Variants in CTNNA3 observed in about 807,000 individuals in gnomAD.
CTNNA3 encodes the protein catenin alpha-3.
In CTNNA3, 76 loss-of-function variants were observed where a neutral mutation model predicts 95.7. The ratio of observed to expected loss-of-function variants is 0.79; its 90% confidence interval spans 0.66 to 0.96. CTNNA3 has a LOEUF of 0.96. Among genes scored for constraint, CTNNA3 ranks in the 40% least tolerant of loss-of-function variants. The probability of loss-of-function intolerance (pLI) is 0.00; values close to 1 mark genes in which losing one functional copy is unlikely to be tolerated. For missense variants in CTNNA3, 1,191 were observed against 1,089.8 expected (o/e 1.09, Z -1.31); for synonymous variants, 431 against 374.4 (o/e 1.15, Z -1.74).
At chr10:67,705,173 G>A (rs111569684) in intron 1 of CTNNA3, among the ~76,000 whole-genome samples, 18,289 of 151,712 alleles carry the variant, frequency 0.12, 1,132 homozygotes, top group Non-Finnish European at 0.16. Flanking sequence ...CTTTTACACT[G>A]TTGGTGGGAC....
At position 67,259,607 on chromosome 10, in the gene CTNNA3, A is replaced by G. The variant is rs1866512024; in HGVS notation, c.580-39737T>C. 2.0e-5 allele frequency among the ~76,000 whole-genome samples: 3 copies of G among 152,168 alleles called. No homozygotes were observed. In the South Asian group the frequency reaches 6.2e-4, roughly 32 times the overall value. Reference sequence around the variant, plus strand: ...ATAATATGCATGTGAGAGCACTTACACTGTAAAATATACGTCCCTGAGGTT... The same window carrying G: ...ATAATATGCATGTGAGAGCACTTACGCTGTAAAATATACGTCCCTGAGGTT... On this transcript the variant is annotated intron_variant, in intron 5 of 17. Transcript: ENST00000433211.
intron 10 of CTNNA3, among the ~76,000 whole-genome samples, chr10:66,619,991 G>T (rs982519515): frequency 2.0e-5 from 3 of 152,000 alleles, no homozygotes; most frequent in Non-Finnish European, 4.4e-5. Context: ...AATATATGAT[G>T]GTGGCCCAAA....
Position 67,711,568 on chromosome 10 carries a change from A to AATTTATTTATTTATTTATTT in CTNNA3, c.-2+51846_-2+51865dup, listed in dbSNP as rs572590258. Among the ~76,000 whole-genome samples the AATTTATTTATTTATTTATTT allele has an allele frequency of 2.3e-3, 305 of 134,064 alleles. 10 individuals carry two copies. The East Asian group carries it at 0.052, about 23-fold the overall frequency. The allele number at this position is 134,064 out of a possible 152,430, so 88.0% of individuals were successfully genotyped here. ...ATGATTTAGGGTATCTGGCAGAAGA[A>AATTTATTTATTTATTTATTT]ATTTATTTATTTATTTATTTATTTT... On this transcript the variant is annotated intron_variant, in intron 1 of 17. Transcript: ENST00000684154.
At chr10:67,446,079 T>A (rs922654432) in intron 5 of CTNNA3, among the ~76,000 whole-genome samples, 26 of 152,176 alleles carry the variant, frequency 1.7e-4, no homozygotes, top group Non-Finnish European at 7.3e-5. Context: ...AGATACAGTC[T>A]CTGCCCTCAA....
chr10:66,694,305 A>G (rs1847674286), intron 9 of CTNNA3, among the ~76,000 whole-genome samples: 1 of 152,108 alleles, frequency 6.6e-6, no homozygotes, highest in Non-Finnish European at 1.5e-5. Context: ...ACAGAAATAC[A>G]AACTACCATC....
chr10:67,558,677 G>A (rs1270654200), intron 3 of CTNNA3, among the ~76,000 whole-genome samples: 2 of 152,234 alleles, frequency 1.3e-5, no homozygotes, highest in Non-Finnish European at 2.9e-5. Context: ...AGCCAAAGCA[G>A]GGCAAGCATT....
intron 10 of CTNNA3, among the ~76,000 whole-genome samples, chr10:66,544,870 C>T (rs1249321646): frequency 1.3e-5 from 2 of 152,024 alleles, no homozygotes; most frequent in Non-Finnish European, 2.9e-5. Flanking sequence ...TTAAATGTGT[C>T]TAGGACCAAA....
chr10:66,959,776 C>A (rs1849017216), intron 7 of CTNNA3, among the ~76,000 whole-genome samples: 1 of 152,144 alleles, frequency 6.6e-6, no homozygotes, highest in Non-Finnish European at 1.5e-5. Context: ...TTAATTTTCT[C>A]TCTATCCGAC....
At chr10:66,534,097 C>G (rs1265268395) in intron 10 of CTNNA3, among the ~76,000 whole-genome samples, 1 of 152,170 alleles carries the variant, frequency 6.6e-6, no homozygotes, top group African/African-American at 2.4e-5. Context: ...ATCCTGTGCT[C>G]AACTCTAGTG....
intron 11 of CTNNA3, among the ~76,000 whole-genome samples, chr10:66,447,704 A>G (rs2093432843): frequency 6.6e-6 from 1 of 152,168 alleles, no homozygotes; most frequent in South Asian, 2.1e-4. Flanking sequence ...AACATGTTAG[A>G]CCTAAAACCA....
intron 1 of CTNNA3, among the ~76,000 whole-genome samples, chr10:67,754,152 G>A (rs543331256): frequency 9.6e-4 from 146 of 152,248 alleles, no homozygotes; most frequent in African/African-American, 3.3e-3. Context: ...GAACAAGATC[G>A]TGACCTTTGC....
rs1172538788 is a variant in CTNNA3 at position 66,495,933 on chromosome 10, C to G, written c.1531+24684G>C. Among the ~76,000 whole-genome samples, 3 of 152,124 alleles carry G rather than the reference C, an allele frequency of 2.0e-5. No homozygotes were observed. In the South Asian group the frequency reaches 6.2e-4, roughly 32 times the overall value. Reference sequence around the variant, plus strand: ...TTGGCCTCCCAAAGTGCTGGGATTACAGCTGTAAACCACCACTCCTGGCCT... The same window carrying G: ...TTGGCCTCCCAAAGTGCTGGGATTAGAGCTGTAAACCACCACTCCTGGCCT... On this transcript the variant is annotated intron_variant, in intron 11 of 17. Transcript: ENST00000433211.
At chr10:67,594,306 A>G (rs1404477305) in intron 3 of CTNNA3, among the ~76,000 whole-genome samples, 1 of 152,100 alleles carries the variant, frequency 6.6e-6, no homozygotes, top group African/African-American at 2.4e-5. Context: ...CGATTTTTTG[A>G]ACAGTTTCAG....
At chr10:67,023,163 T>C (rs551431578) in intron 7 of CTNNA3, among the ~76,000 whole-genome samples, 2 of 152,116 alleles carry the variant, frequency 1.3e-5, no homozygotes, top group South Asian at 4.1e-4. Context: ...TATGTGGAAA[T>C]ACAAAGAACC....
chr10:67,024,497 C>G lies in CTNNA3; in HGVS notation c.1047+155820G>C, dbSNP rs145538373. ...GTTCTGGTGATTAGGAAGTAAACAT[C>G]TTTGGTGGGTGGAGGGCATTATTTG... is the stretch of plus-strand genomic sequence containing the variant. On this transcript the variant is annotated intron_variant, in intron 7 of 17. Coordinates refer to ENST00000433211, the MANE Select transcript of CTNNA3 (RefSeq NM_013266.4). 7.5e-3 allele frequency among the ~76,000 whole-genome samples: 1,144 copies of G among 152,248 alleles called. 21 individuals are homozygous for G. The highest frequency in any genetic ancestry group is 0.027 in the African/African-American group (1,102 of 41,566).
At chr10:66,878,552 T>C (rs1844717751) in intron 7 of CTNNA3, among the ~76,000 whole-genome samples, 1 of 152,146 alleles carries the variant, frequency 6.6e-6, no homozygotes, top group South Asian at 2.1e-4. Flanking sequence ...TACTTTTTCT[T>C]ACCATTTATT....
chr10:67,463,609 C>A (rs1312624288), intron 5 of CTNNA3, among the ~76,000 whole-genome samples: 1 of 152,172 alleles, frequency 6.6e-6, no homozygotes, highest in Non-Finnish European at 1.5e-5. Flanking sequence ...CATAAAAGAT[C>A]TGGTTTTCTG....
chr10:66,388,907 C>T (rs962147926), intron 11 of CTNNA3, among the ~76,000 whole-genome samples: 6 of 151,850 alleles, frequency 4.0e-5, no homozygotes, highest in African/African-American at 7.3e-5. Flanking sequence ...ATAGAATGCC[C>T]GAAAAAGAAA....
At chr10:66,920,725 T>G (rs895572325) in intron 7 of CTNNA3, among the ~76,000 whole-genome samples, 3 of 152,208 alleles carry the variant, frequency 2.0e-5, no homozygotes, top group African/African-American at 4.8e-5. Flanking sequence ...AAACTCTTGG[T>G]CTTGCTCACA....
Sources: gnomAD v4.1 joint callset for allele counts (sites outside exome capture counted in the v4.1 genomes callset) on GRCh38, gnomAD v4.1.1 for gene constraint, MANE v1.5 for transcripts, NCBI Gene and HGNC (gene_info 2026-07-23, HGNC 2026-07-21) for gene names.